KIF5C: variants seen among roughly 807,000 people sequenced by gnomAD.
KIF5C encodes kinesin family member 5C, also known as kinesin heavy chain isoform 5C.
A neutral mutation model predicts 125.2 loss-of-function variants in KIF5C; 18 were observed. That is an observed-to-expected ratio of 0.14 (90% confidence interval 0.10 to 0.21). The LOEUF is 0.21. KIF5C is among the 10% of genes least tolerant of loss of function. KIF5C has a pLI of 1.00. For synonymous variants in KIF5C, 405 were observed against 434.0 expected, an observed-to-expected ratio of 0.93 and a Z score of 0.83; for missense variants, 780 against 1,183.8, an observed-to-expected ratio of 0.66 and a Z score of 5.01.
chr2:148,969,887 T>G (rs1177043792), intron 11 of KIF5C, among the ~76,000 whole-genome samples: 6 of 152,198 alleles, frequency 3.9e-5, no homozygotes, highest in Non-Finnish European at 8.8e-5. Context: ...AGGACGCTTC[T>G]GGAAGTCATT....
chr2:148,926,683 C>T (rs1326958372), intron 2 of KIF5C, among the ~76,000 whole-genome samples: 1 of 152,198 alleles, frequency 6.6e-6, no homozygotes, highest in African/African-American at 2.4e-5. Context: ...CAAATCAAAA[C>T]ATAGACTGAG....
chr2:148,956,154 C>T (rs973365379), intron 10 of KIF5C, among the ~76,000 whole-genome samples: 18 of 152,264 alleles, frequency 1.2e-4, no homozygotes, highest in South Asian at 4.1e-4. Flanking sequence ...TGCCAACTTA[C>T]GAGGGTGCCT....
intron 1 of KIF5C, chr2:148,884,414 C>T (rs1475411119): frequency 6.6e-6 from 1 of 152,092 alleles, no homozygotes. Context: ...GACAGGACTG[C>T]TTTTTCTCTC....
rs145613004 is a variant in KIF5C, at chr2:148,976,245, TTTTATTTA to T, written c.1294-2645_1294-2638del. Among the ~76,000 whole-genome samples the T allele has an allele frequency of 7.1e-3, 1,025 of 143,932 alleles. 15 individuals are homozygous for T. The highest frequency in any genetic ancestry group is 0.064 in the Middle Eastern group (18 of 280). The allele number at this position is 143,932 out of a possible 152,430, so 94.4% of individuals were successfully genotyped here. ...TTATAAGGGTGTGCATATTATTTTG[TTTTATTTA>T]TTTATTTATTTATTTATTTATTTAT... On this transcript the variant is annotated intron_variant, in intron 12 of 25. Coordinates refer to ENST00000435030, the MANE Select transcript of KIF5C (RefSeq NM_004522.3).
chr2:148,984,957 A>AT (rs537428228), intron 15 of KIF5C, among the ~76,000 whole-genome samples: 415 of 151,934 alleles, frequency 2.7e-3, no homozygotes, highest in African/African-American at 9.6e-3. Flanking sequence ...GGCCCTGCTA[A>AT]TTTTTTTATT....
At chr2:148,937,245 C>G in intron 3 of KIF5C, 39 bp from the exon 4 acceptor site, 1 of 1,553,982 alleles carries the variant, frequency 6.4e-7, no homozygotes, top group African/African-American at 1.4e-5. Context: ...TGTCTCCCAG[C>G]ATGCTTTAAC....
At chr2:148,894,687 C>A in intron 1 of KIF5C, among the ~76,000 whole-genome samples, 1 of 149,518 alleles carries the variant, frequency 6.7e-6, no homozygotes, top group Non-Finnish European at 1.5e-5. Context: ...GCTTACATTT[C>A]AAATAAGTTT....
At chr2:148,971,286 GTCTGTCTA>G (rs200415407) in intron 11 of KIF5C, among the ~76,000 whole-genome samples, 2,509 of 134,410 alleles carry the variant, frequency 0.019, 33 homozygotes, top group Middle Eastern at 0.072. Context: ...CTGTCTGTCT[GTCTGTCTA>G]TCTATCTATC....
intron 7 of KIF5C, among the ~76,000 whole-genome samples, chr2:148,943,191 T>A (rs1413341833): frequency 6.6e-6 from 1 of 152,208 alleles, no homozygotes; most frequent in Non-Finnish European, 1.5e-5. Context: ...CATGTTGGAT[T>A]TCTGCCTTCT....
intron 10 of KIF5C, among the ~76,000 whole-genome samples, chr2:148,957,185 C>T (rs115431489): frequency 5.6e-4 from 85 of 152,346 alleles, no homozygotes; most frequent in African/African-American, 1.9e-3. Flanking sequence ...ACAATAAATG[C>T]ACACGTGTGG....
chr2:149,006,601 T>C (rs559320405), intron 22 of KIF5C, among the ~76,000 whole-genome samples: 99 of 152,290 alleles, frequency 6.5e-4, no homozygotes, highest in African/African-American at 2.2e-3. Flanking sequence ...GGTGTTGAGT[T>C]AGAAGCATGG....
At chr2:148,996,940 G>A (rs1382102490) in intron 17 of KIF5C, among the ~76,000 whole-genome samples, 2 of 152,196 alleles carry the variant, frequency 1.3e-5, no homozygotes, top group African/African-American at 4.8e-5. Flanking sequence ...CAGAGACCAG[G>A]TGGGAAACAA....
intron 1 of KIF5C, among the ~76,000 whole-genome samples, chr2:148,914,423 T>A (rs1681462695): frequency 6.6e-6 from 1 of 152,268 alleles, no homozygotes; most frequent in Non-Finnish European, 1.5e-5. Flanking sequence ...ATTTCTTCAT[T>A]ATCACTCGGG....
intron 11 of KIF5C, among the ~76,000 whole-genome samples, chr2:148,967,520 C>A (rs1460668778): frequency 6.6e-6 from 1 of 152,148 alleles, no homozygotes; most frequent in Non-Finnish European, 1.5e-5. Flanking sequence ...AAGGGCAGGG[C>A]ACTTTGATAC....
chr2:148,969,728 C>T (rs1372331394), intron 11 of KIF5C, among the ~76,000 whole-genome samples: 1 of 152,102 alleles, frequency 6.6e-6, no homozygotes, highest in African/African-American at 2.4e-5. Context: ...GGGGGCTTCT[C>T]CAGAGAATTG....
chr2:148,975,675 G>C (rs144100350), intron 12 of KIF5C, among the ~76,000 whole-genome samples: 6 of 152,302 alleles, frequency 3.9e-5, no homozygotes, highest in Admixed American at 3.9e-4. Context: ...AGGGCTCCAA[G>C]CACAGGTACT....
intron 1 of KIF5C, chr2:148,885,581 A>C (rs1045938863): frequency 2.0e-5 from 3 of 152,240 alleles, no homozygotes; most frequent in African/African-American, 7.2e-5. Context: ...TGAACGCTGG[A>C]AAATACGTCC....
At chr2:148,883,090 T>C (rs1157635832) in intron 1 of KIF5C, among the ~76,000 whole-genome samples, 1 of 152,364 alleles carries the variant, frequency 6.6e-6, no homozygotes, top group Non-Finnish European at 1.5e-5. Flanking sequence ...GACATCTTTA[T>C]GGTTTTGTTA....
intron 4 of KIF5C, among the ~76,000 whole-genome samples, chr2:148,937,876 T>C (rs1019442022): frequency 6.6e-6 from 1 of 152,214 alleles, no homozygotes; most frequent in Admixed American, 6.5e-5. Context: ...TTTCCCAGCT[T>C]ATTTGAATGT....
Sources: gnomAD v4.1 joint callset for allele counts (sites outside exome capture counted in the v4.1 genomes callset) on GRCh38, gnomAD v4.1.1 for gene constraint, MANE v1.5 for transcripts, NCBI Gene and HGNC (gene_info 2026-07-23, HGNC 2026-07-21) for gene names.